RGS6: variants seen among roughly 807,000 people sequenced by gnomAD.
RGS6 encodes regulator of G protein signaling 6.
RGS6 carries 30 observed loss-of-function variants against 78.5 expected under a neutral mutation model. The ratio of observed to expected loss-of-function variants is 0.38; its 90% CI spans 0.29 to 0.52. The LOEUF (loss-of-function observed/expected upper bound fraction) is 0.52. Among genes scored for constraint, RGS6 ranks in the 20% least tolerant of loss-of-function variants. The probability of loss-of-function intolerance (pLI) is 0.85; values close to 1 mark genes in which losing one functional copy is unlikely to be tolerated. For synonymous variants in RGS6, 206 were observed against 206.0 expected, an observed-to-expected ratio of 1.00 and a Z score of 0.00; for missense variants, 495 against 609.7, an observed-to-expected ratio of 0.81 and a Z score of 1.98.
At chr14:72,483,132 CA>C (rs1172799848) in intron 12 of RGS6, among the ~76,000 whole-genome samples, 1 of 152,144 alleles carries the variant, frequency 6.6e-6, no homozygotes, top group Non-Finnish European at 1.5e-5. Context: ...AGCCTTATAG[CA>C]CTTGACAAAC....
At chr14:72,091,325 G>A (rs193015955) in intron 2 of RGS6, among the ~76,000 whole-genome samples, 44 of 152,344 alleles carry the variant, frequency 2.9e-4, no homozygotes, top group Middle Eastern at 3.4e-3. Context: ...CACCACTGAG[G>A]ATGCATTTTC....
chr14:72,535,009 C>G (rs993303237), intron 15 of RGS6, among the ~76,000 whole-genome samples: 1 of 152,244 alleles, frequency 6.6e-6, no homozygotes, highest in Non-Finnish European at 1.5e-5. Context: ...CTAACACATT[C>G]TCTCTTGGAA....
At chr14:72,596,010 AG>A in the RGS6 span, among the ~76,000 whole-genome samples, 1 of 152,216 alleles carries the variant, frequency 6.6e-6, no homozygotes, top group African/African-American at 2.4e-5. Context: ...GAAGACACTC[AG>A]GGGAACAGAA....
At chr14:72,096,500 T>C (rs1224602593) in intron 2 of RGS6, among the ~76,000 whole-genome samples, 1 of 152,148 alleles carries the variant, frequency 6.6e-6, no homozygotes, top group African/African-American at 2.4e-5. Flanking sequence ...GACTCTTCTT[T>C]GATTTCATAT....
intron 2 of RGS6, among the ~76,000 whole-genome samples, chr14:72,195,163 G>A (rs570964167): frequency 1.1e-4 from 16 of 151,816 alleles, no homozygotes; most frequent in African/African-American, 3.4e-4. Flanking sequence ...AGCCGAGATC[G>A]CACCACTGCA....
intron 7 of RGS6, among the ~76,000 whole-genome samples, chr14:72,468,054 A>G (rs143664852): frequency 2.5e-4 from 38 of 152,286 alleles, no homozygotes; most frequent in African/African-American, 7.7e-4. Context: ...ATTTGATTCA[A>G]TTTCTCTTCT....
intron 3 of RGS6, among the ~76,000 whole-genome samples, chr14:72,431,544 ATTTTATTT>A (rs1264537457): frequency 6.6e-6 from 1 of 150,778 alleles, no homozygotes; most frequent in Non-Finnish European, 1.5e-5. Flanking sequence ...ATTTTATTTT[ATTTTATTT>A]TATTTTATTT....
Position 72,056,363 on chromosome 14 carries a change from T to C in RGS6, c.84+91488T>C, listed in dbSNP as rs532766344. On this transcript the variant is annotated intron_variant, in intron 2 of 17. Transcript: ENST00000553525. ...TGTGTTATCTTCTCTATACTTACAT[T>C]CTTTCTTAATCTGCCATGACTTTCT... 1.1e-4 allele frequency among the ~76,000 whole-genome samples: 17 copies of C among 152,302 alleles called. No individual in the cohort carries two copies. In the East Asian group the frequency reaches 3.3e-3, roughly 29 times the overall value.
intron 2 of RGS6, among the ~76,000 whole-genome samples, chr14:72,203,036 G>A (rs928700554): frequency 2.0e-5 from 3 of 151,872 alleles, no homozygotes; most frequent in Non-Finnish European, 4.4e-5. Context: ...CACCACACCC[G>A]GCTAATTTTT....
intron 2 of RGS6, among the ~76,000 whole-genome samples, chr14:72,289,242 C>A (rs978336717): frequency 6.6e-6 from 1 of 152,128 alleles, no homozygotes; most frequent in Non-Finnish European, 1.5e-5. Flanking sequence ...TATCTCCTAA[C>A]CTGCATGCTC....
At chr14:72,610,417 C>A in the RGS6 span, among the ~76,000 whole-genome samples, 1 of 152,206 alleles carries the variant, frequency 6.6e-6, no homozygotes, top group Non-Finnish European at 1.5e-5. Flanking sequence ...GAGGCGCCCT[C>A]ACCAAAGCCA....
At chr14:72,162,403 C>G (rs1269991356) in intron 2 of RGS6, among the ~76,000 whole-genome samples, 5 of 152,000 alleles carry the variant, frequency 3.3e-5, no homozygotes, top group Non-Finnish European at 5.9e-5. Flanking sequence ...CAAAATGAAA[C>G]CAGAGGAATT....
chr14:72,277,217 G>C (rs1384499377), intron 2 of RGS6, among the ~76,000 whole-genome samples: 1 of 152,238 alleles, frequency 6.6e-6, no homozygotes, highest in African/African-American at 2.4e-5. Context: ...AGGTGCATCA[G>C]AGGAGGCCTC....
chr14:72,251,518 G>A (rs550639795), intron 2 of RGS6, among the ~76,000 whole-genome samples: 7 of 152,118 alleles, frequency 4.6e-5, no homozygotes, highest in Non-Finnish European at 7.3e-5. Context: ...TTCAAAAGTG[G>A]TCAGCATGCC....
intron 2 of RGS6, among the ~76,000 whole-genome samples, chr14:72,214,425 C>G (rs759019173): frequency 6.6e-6 from 1 of 151,938 alleles, no homozygotes; most frequent in Admixed American, 6.6e-5. Flanking sequence ...AACTTTCTAG[C>G]GTGTGTATGT....
the RGS6 span, chr14:71,908,238 CCAT>C: frequency 6.6e-6 from 1 of 152,206 alleles, no homozygotes; most frequent in Non-Finnish European, 1.5e-5. Context: ...AGGTTTGACA[CCAT>C]CATCATGTTT....
chr14:72,487,569 G>A (rs1055624697), intron 12 of RGS6, among the ~76,000 whole-genome samples: 2 of 152,188 alleles, frequency 1.3e-5, no homozygotes, highest in African/African-American at 2.4e-5. Flanking sequence ...GAAGAGAGAG[G>A]CAGAAGAGTC....
At chr14:72,313,650 CTA>C (rs1481650562) in intron 2 of RGS6, among the ~76,000 whole-genome samples, 5 of 152,320 alleles carry the variant, frequency 3.3e-5, no homozygotes, top group Admixed American at 3.3e-4. Flanking sequence ...CCTCCCATCT[CTA>C]TGTCTGTATT....
chr14:72,446,202 G>C (rs2095359072), intron 3 of RGS6, among the ~76,000 whole-genome samples: 1 of 152,174 alleles, frequency 6.6e-6, no homozygotes, highest in South Asian at 2.1e-4. Flanking sequence ...CCCTCAGGAA[G>C]AACCAACCCG....
Sources: allele counts gnomAD v4.1 joint callset (sites outside exome capture counted in the v4.1 genomes callset), GRCh38; gene constraint gnomAD v4.1.1; transcripts MANE v1.5; gene names NCBI Gene and HGNC (gene_info 2026-07-23, HGNC 2026-07-21).